Variants in TRPC6 observed in about 807,000 individuals in gnomAD.
TRPC6 encodes short transient receptor potential channel 6.
A neutral mutation model predicts 90.7 loss-of-function variants in TRPC6; 55 were observed. The ratio of observed to expected loss-of-function variants is 0.61; its 90% CI spans 0.49 to 0.76. The LOEUF is 0.76. Ranked by LOEUF, TRPC6 falls within the 30% of genes least tolerant of loss-of-function variation. The pLI, the probability that TRPC6 is intolerant of heterozygous loss-of-function variation, is 0.00. For missense variants in TRPC6, 989 were observed against 1,122.7 expected (o/e 0.88, Z 1.70); for synonymous variants, 393 against 393.0 (o/e 1.00, Z 0.00).
At chr11:101,569,933 G>T (rs935144995) in intron 1 of TRPC6, among the ~76,000 whole-genome samples, 2 of 151,900 alleles carry the variant, frequency 1.3e-5, no homozygotes, top group African/African-American at 4.8e-5. Context: ...ATCTAAAATT[G>T]ACACCCGAAC....
chr11:101,580,179 G>T (rs1280117610), intron 1 of TRPC6, among the ~76,000 whole-genome samples: 1 of 151,954 alleles, frequency 6.6e-6, no homozygotes, highest in Admixed American at 6.6e-5. Context: ...AGTTTAGTTG[G>T]ACTGTGTTTT....
intron 12 of TRPC6, 46 bp from the exon 13 acceptor site, chr11:101,453,152 C>A: frequency 6.4e-7 from 1 of 1,573,796 alleles, no homozygotes; most frequent in African/African-American, 1.4e-5. Flanking sequence ...ATACGCAATG[C>A]GGAAAAACTA....
intron 1 of TRPC6, among the ~76,000 whole-genome samples, chr11:101,529,063 G>A (rs1860849698): frequency 6.6e-6 from 1 of 152,058 alleles, no homozygotes; most frequent in Non-Finnish European, 1.5e-5. Context: ...AATACTAAGT[G>A]TGTTTTCTAA....
rs192414935 is a variant in TRPC6, at chr11:101,567,461, G to A, written c.170+15873C>T. 1.8e-4 allele frequency among the ~76,000 whole-genome samples: 27 copies of A among 152,316 alleles called. No homozygotes were observed. The East Asian group carries it at 5.2e-3, about 29-fold the overall frequency. On this transcript the variant is annotated intron_variant, in intron 1 of 12. Coordinates refer to ENST00000344327, the MANE Select transcript of TRPC6 (RefSeq NM_004621.6). The stretch of plus-strand genomic sequence containing the variant: ...AGCTTCAGCAGACTTAAACGTCCCT[G>A]CCAGGCAGCTCTGAAGAGAGCAGTG...
chr11:101,487,066 T>A (rs187986775), intron 4 of TRPC6, among the ~76,000 whole-genome samples: 134 of 152,180 alleles, frequency 8.8e-4, no homozygotes, highest in African/African-American at 3.1e-3. Flanking sequence ...AGGAAATCAG[T>A]TTAATTAGAA....
At chr11:101,569,550 A>G (rs1056398448) in intron 1 of TRPC6, among the ~76,000 whole-genome samples, 1 of 152,202 alleles carries the variant, frequency 6.6e-6, no homozygotes, top group Non-Finnish European at 1.5e-5. Flanking sequence ...TCCACCCCAA[A>G]TCAACAGAAT....
In TRPC6 at chr11:101,566,991, C is replaced by T. The variant is rs1036521073; in HGVS notation, c.170+16343G>A. ...TAGCCACGGGAGTTTTTTTCCATACCCCAGTGGCACCTGGAACGCCAGTGA... is the reference window on the plus strand; with the variant it reads ...TAGCCACGGGAGTTTTTTTCCATACTCCAGTGGCACCTGGAACGCCAGTGA... On this transcript the variant is annotated intron_variant, in intron 1 of 12. Transcript: ENST00000344327. Among the ~76,000 whole-genome samples, 9 of 151,998 alleles carry T rather than the reference C, an allele frequency of 5.9e-5. No individual in the cohort carries two copies. The South Asian group carries it at 1.9e-3, about 32-fold the overall frequency.
In TRPC6 at chr11:101,558,191, ATATATATGTGTGTGTATACATG is replaced by A. The variant is rs1317909941; in HGVS notation, c.170+25121_170+25142del. Among the ~76,000 whole-genome samples, 34 of 135,102 alleles carry A rather than the reference ATATATATGTGTGTGTATACATG, an allele frequency of 2.5e-4. 1 individual carries two copies. Among genetic ancestry groups the A allele is most frequent in the Non-Finnish European group, 4.3e-4 (28 of 64,614 alleles). 88.6% of individuals were successfully genotyped at this position (135,102 alleles called of 152,430 possible). On this transcript the variant is annotated intron_variant, in intron 1 of 12. Transcript: ENST00000344327. ...AACACACAAATATATATAAACATAC[ATATATATGTGTGTGTATACATG>A]TATATATGTATACATGTATATGGGT... is the stretch of plus-strand genomic sequence containing the variant.
At chr11:101,564,765 A>G (rs1861792991) in intron 1 of TRPC6, among the ~76,000 whole-genome samples, 2 of 152,146 alleles carry the variant, frequency 1.3e-5, no homozygotes, top group Admixed American at 1.3e-4. Flanking sequence ...AGCCAAAGTA[A>G]TCTTGAGAAA....
chr11:101,486,897 T>C (rs1435456947), intron 4 of TRPC6, among the ~76,000 whole-genome samples: 2 of 152,154 alleles, frequency 1.3e-5, no homozygotes, highest in Admixed American at 6.6e-5. Context: ...GATTTTATCA[T>C]CATGCTTCAA....
intron 1 of TRPC6, among the ~76,000 whole-genome samples, chr11:101,520,273 T>C (rs893962682): frequency 5.9e-5 from 9 of 152,134 alleles, no homozygotes; most frequent in Admixed American, 5.2e-4. Flanking sequence ...TCTCTGGCTA[T>C]GTAAGAAGTT....
At chr11:101,578,994 A>G (rs937380856) in intron 1 of TRPC6, among the ~76,000 whole-genome samples, 1 of 152,094 alleles carries the variant, frequency 6.6e-6, no homozygotes, top group Non-Finnish European at 1.5e-5. Flanking sequence ...TTTTACAATA[A>G]TATTGGTATA....
chr11:101,497,685 G>A (rs1859984010), intron 2 of TRPC6, among the ~76,000 whole-genome samples: 1 of 152,032 alleles, frequency 6.6e-6, no homozygotes, highest in South Asian at 2.1e-4. Flanking sequence ...TATAAAAGAG[G>A]GGATTTTTTT....
rs1204580222 is a variant in TRPC6, at chr11:101,583,489, C to A, written c.15G>T (p.Pro5=). The A allele has an allele frequency of 4.7e-6, 7 of 1,502,052 alleles. No individual in the cohort carries two copies. Among genetic ancestry groups the A allele is most frequent in the Middle Eastern group, 2.0e-4 (1 of 5,076 alleles). 93.0% of individuals were successfully genotyped at this position (1,502,052 alleles called of 1,614,324 possible). A position where few individuals can be genotyped will look rare whatever the true frequency, so the allele number is the denominator to read the frequency against. The change falls in exon 1 of 13, where the codon CCG becomes CCT. Residue 5 remains proline, a synonymous_variant. Transcript: ENST00000344327. ...AACTGCCCCTCCGGGGCCCGAACGC[C>A]GGGCTCTGGCTCATGGCGGGAACGC... MSQS[P]AFGPRRGSSP...
At chr11:101,543,772 AT>A (rs1044970259) in intron 1 of TRPC6, among the ~76,000 whole-genome samples, 1 of 152,204 alleles carries the variant, frequency 6.6e-6, no homozygotes, top group Non-Finnish European at 1.5e-5. Context: ...AACTAAAACC[AT>A]AAAAACTCTT....
At chr11:101,493,381 G>T (rs559382171) in intron 2 of TRPC6, among the ~76,000 whole-genome samples, 1 of 152,272 alleles carries the variant, frequency 6.6e-6, no homozygotes, top group African/African-American at 2.4e-5. Context: ...GGTTGGACAA[G>T]CTTGAGCTAG....
chr11:101,495,592 A>G (rs1402109892), intron 2 of TRPC6, among the ~76,000 whole-genome samples: 1 of 47,026 alleles, frequency 2.1e-5, no homozygotes, highest in Non-Finnish European at 4.3e-5. Context: ...ATCAATGGTA[A>G]TTATTATTAT....
chr11:101,542,980 A>G (rs1006933088), intron 1 of TRPC6, among the ~76,000 whole-genome samples: 4 of 152,144 alleles, frequency 2.6e-5, no homozygotes, highest in Non-Finnish European at 5.9e-5. Flanking sequence ...TTGATACTCA[A>G]GAAAATGCTA....
At position 101,526,861 on chromosome 11, in the gene TRPC6, CAAAAAAAAAAAAAAAAA is replaced by C. The variant is rs573864895; in HGVS notation, c.171-22080_171-22064del. Among the ~76,000 whole-genome samples the C allele has an allele frequency of 4.4e-3, 160 of 36,122 alleles. 1 individual carries two copies. Among genetic ancestry groups the C allele is most frequent in the African/African-American group, 0.014 (121 of 8,372 alleles). 23.7% of individuals were successfully genotyped at this position (36,122 alleles called of 152,430 possible). A position where few individuals can be genotyped will look rare whatever the true frequency, so the allele number is the denominator to read the frequency against. The stretch of plus-strand genomic sequence containing the variant: ...CCTGGGTGACAGAAGGAGACTGTCT[CAAAAAAAAAAAAAAAAA>C]AAAAAAAAAAAAAAAAAAAATTAAA... On this transcript the variant is annotated intron_variant, in intron 1 of 12. Transcript: ENST00000344327.
Sources: gnomAD v4.1 joint callset for allele counts (sites outside exome capture counted in the v4.1 genomes callset) on GRCh38, gnomAD v4.1.1 for gene constraint, MANE v1.5 for transcripts, NCBI Gene and HGNC (gene_info 2026-07-23, HGNC 2026-07-21) for gene names.